PARD3: variants seen among roughly 807,000 people sequenced by gnomAD.
PARD3 encodes the protein par-3 family cell polarity regulator.
In PARD3, 75 loss-of-function variants were observed where a neutral mutation model predicts 155.4. The ratio of observed to expected loss-of-function variants is 0.48; its 90% confidence interval spans 0.40 to 0.58. The LOEUF (loss-of-function observed/expected upper bound fraction) is 0.58, where lower values mean the gene tolerates loss of function less well. Ranked by LOEUF, PARD3 falls within the 20% of genes least tolerant of loss-of-function variation. The probability of loss-of-function intolerance (pLI) is 0.00; values close to 1 mark genes in which losing one functional copy is unlikely to be tolerated. For missense variants in PARD3, 1,642 were observed against 1,721.7 expected, an observed-to-expected ratio of 0.95 and a Z score of 0.82; for synonymous variants, 576 against 610.5, an observed-to-expected ratio of 0.94 and a Z score of 0.83.
chr10:34,453,880 C>G (rs553363294), intron 4 of PARD3, among the ~76,000 whole-genome samples: 1 of 152,272 alleles, frequency 6.6e-6, no homozygotes, highest in South Asian at 2.1e-4. Context: ...TGCACTTTTC[C>G]ACTGCACTTG....
chr10:34,240,955 G>A (rs1953550062), intron 22 of PARD3, among the ~76,000 whole-genome samples: 1 of 152,188 alleles, frequency 6.6e-6, no homozygotes, highest in South Asian at 2.1e-4. Context: ...TGTCAACTGA[G>A]CAGCCACCGT....
rs35539142 is a variant in PARD3, at chr10:34,145,764, G to A, written c.3420-14181C>T. 7.8e-3 allele frequency among the ~76,000 whole-genome samples: 1,184 copies of A among 152,086 alleles called. 5 individuals are homozygous for A. Among genetic ancestry groups the A allele is most frequent in the Admixed American group, 0.013 (201 of 15,272 alleles). ...AAGTTCTTAAAGAAAACAAACAAAC[G>A]TTGTTTGTTTTGGACTCTGTCTTCC... is the stretch of plus-strand genomic sequence containing the variant. On this transcript the variant is annotated intron_variant, in intron 22 of 24. Coordinates refer to ENST00000374788, the MANE Select transcript of PARD3 (RefSeq NM_001184785.2).
rs59111039 is a variant in PARD3, at chr10:34,640,708, C to CAAAAAAAAA, written c.222+55601_222+55609dup. Among the ~76,000 whole-genome samples, 168 of 24,014 alleles carry CAAAAAAAAA rather than the reference C, an allele frequency of 7.0e-3. 53 individuals are homozygous for CAAAAAAAAA. Among genetic ancestry groups the CAAAAAAAAA allele is most frequent in the African/African-American group, 0.01 (86 of 8,224 alleles). The allele number at this position is 24,014 out of a possible 152,430, so 15.8% of individuals were successfully genotyped here. A position where few individuals can be genotyped will look rare whatever the true frequency, so the allele number is the denominator to read the frequency against. On this transcript the variant is annotated intron_variant, in intron 2 of 24. Coordinates refer to ENST00000374788, the MANE Select transcript of PARD3 (RefSeq NM_001184785.2). ...TGGACAACAGAGTGAGACTCCATCT[C>CAAAAAAAAA]AAAAAAAAAAAAAAAAAAAAAAAAA... is the stretch of plus-strand genomic sequence containing the variant.
intron 11 of PARD3, 127 bp from the exon 12 acceptor site, chr10:34,372,663 ATTAT>A (rs1840809518): frequency 1.5e-6 from 1 of 684,592 alleles, no homozygotes; most frequent in Non-Finnish European, 2.6e-6. Flanking sequence ...ATAAAGGGTA[ATTAT>A]ATGATGGCTG....
intron 6 of PARD3, among the ~76,000 whole-genome samples, chr10:34,400,975 G>A (rs1199390411): frequency 1.3e-5 from 2 of 152,162 alleles, no homozygotes; most frequent in African/African-American, 2.4e-5. Flanking sequence ...CTATGGCATG[G>A]CAAGTACTTT....
intron 1 of PARD3, among the ~76,000 whole-genome samples, chr10:34,786,599 C>A (rs1840991581): frequency 6.6e-6 from 1 of 152,114 alleles, no homozygotes; most frequent in Admixed American, 6.5e-5. Context: ...CAGACCCAGG[C>A]ATCTTATTAC....
At chr10:34,432,357 C>CACACAA (rs1357520813) in intron 5 of PARD3, among the ~76,000 whole-genome samples, 2 of 146,590 alleles carry the variant, frequency 1.4e-5, no homozygotes, top group Non-Finnish European at 3.0e-5. Flanking sequence ...CACACACACA[C>CACACAA]ACACACACAC....
rs571559888 is a variant in PARD3 at position 34,779,779 on chromosome 10, C to T, written c.120+35097G>A. ...TTCATTAGCTAGAACATTTCAATAG[C>T]AAAGCATGCAAAACTGCAAATGCCA... is the stretch of plus-strand genomic sequence containing the variant. On this transcript the variant is annotated intron_variant, in intron 1 of 24. Transcript: ENST00000374788. Among the ~76,000 whole-genome samples, 4 of 152,344 alleles carry T rather than the reference C, an allele frequency of 2.6e-5. No individual in the cohort carries two copies. The East Asian group carries it at 7.7e-4, about 29-fold the overall frequency.
chr10:34,640,846 C>T (rs1272432761), intron 2 of PARD3, among the ~76,000 whole-genome samples: 4 of 147,518 alleles, frequency 2.7e-5, no homozygotes, highest in Non-Finnish European at 5.9e-5. Flanking sequence ...TGTATTCAAA[C>T]AAATTCACTG....
intron 22 of PARD3, among the ~76,000 whole-genome samples, chr10:34,252,037 A>C (rs1490995500): frequency 6.6e-6 from 1 of 152,228 alleles, no homozygotes; most frequent in Non-Finnish European, 1.5e-5. Flanking sequence ...TAACATTTTT[A>C]AAGTGCATTT....
chr10:34,602,786 G>A (rs977582816), intron 2 of PARD3, among the ~76,000 whole-genome samples: 3 of 152,170 alleles, frequency 2.0e-5, no homozygotes, highest in East Asian at 3.8e-4. Flanking sequence ...CTTCATGTGC[G>A]TGAAAGTTAC....
intron 1 of PARD3, among the ~76,000 whole-genome samples, chr10:34,812,656 C>T (rs887395952): frequency 6.6e-5 from 10 of 152,158 alleles, no homozygotes. Context: ...AATGACTGAA[C>T]TTGGTATACT....
At chr10:34,338,930 A>T (rs1242556759) in intron 16 of PARD3, among the ~76,000 whole-genome samples, 1 of 152,194 alleles carries the variant, frequency 6.6e-6, no homozygotes, top group Non-Finnish European at 1.5e-5. Context: ...CCCAATGAAG[A>T]CTATCTCAAA....
At chr10:34,609,997 T>C (rs775128304) in intron 2 of PARD3, among the ~76,000 whole-genome samples, 14 of 152,224 alleles carry the variant, frequency 9.2e-5, no homozygotes, top group Non-Finnish European at 1.8e-4. Flanking sequence ...AGTGGAAATA[T>C]ACCAAAACTT....
chr10:34,396,409 A>G (rs557428874), intron 7 of PARD3, among the ~76,000 whole-genome samples: 6 of 152,226 alleles, frequency 3.9e-5, no homozygotes, highest in Middle Eastern at 3.4e-3. Flanking sequence ...TCAGGTCACA[A>G]TAAGATCTAC....
intron 1 of PARD3, among the ~76,000 whole-genome samples, chr10:34,707,977 AT>A (rs1402105838): frequency 3.9e-5 from 6 of 152,238 alleles, no homozygotes; most frequent in Non-Finnish European, 8.8e-5. Context: ...GGAATTACTT[AT>A]GACTGGACAA....
At chr10:34,371,661 A>T (rs535875305) in intron 12 of PARD3, among the ~76,000 whole-genome samples, 103 of 152,058 alleles carry the variant, frequency 6.8e-4, no homozygotes, top group African/African-American at 2.4e-3. Context: ...CAATGTAAAA[A>T]TTTTTGGAAA....
At chr10:34,732,331 A>C (rs771896933) in intron 1 of PARD3, among the ~76,000 whole-genome samples, 5 of 152,194 alleles carry the variant, frequency 3.3e-5, no homozygotes, top group Non-Finnish European at 5.9e-5. Flanking sequence ...AAACTGCACT[A>C]ATCCCTTTGT....
chr10:34,131,361 C>T (rs1471163361), intron 23 of PARD3, 102 bp downstream of exon 23: 1 of 1,312,274 alleles, frequency 7.6e-7, no homozygotes, highest in Non-Finnish European at 1.1e-6. Flanking sequence ...GAATTTGGCT[C>T]CATCTTGTCT....
Sources: gnomAD v4.1 joint callset for allele counts (sites outside exome capture counted in the v4.1 genomes callset) on GRCh38, gnomAD v4.1.1 for gene constraint, MANE v1.5 for transcripts, NCBI Gene and HGNC (gene_info 2026-07-23, HGNC 2026-07-21) for gene names.